DDX4: variants seen among roughly 807,000 people sequenced by gnomAD.
The protein encoded by DDX4 is probable ATP-dependent RNA helicase DDX4.
DDX4 carries 25 observed loss-of-function variants against 100.0 expected under a neutral mutation model. That is an observed-to-expected ratio of 0.25 (90% CI 0.18 to 0.35). DDX4 has a LOEUF of 0.35. DDX4 is among the 10% of genes least tolerant of loss of function. The pLI is 1.00. For synonymous variants in DDX4, 259 were observed against 275.7 expected (o/e 0.94, Z 0.60); for missense variants, 635 against 882.4 (o/e 0.72, Z 3.55).
chr5:55,774,553 T>G (rs1456630537), intron 7 of DDX4, among the ~76,000 whole-genome samples: 1 of 152,236 alleles, frequency 6.6e-6, no homozygotes, highest in Admixed American at 6.5e-5. Flanking sequence ...AGTTTATCTT[T>G]TTATGTTCTT....
At chr5:55,799,062 C>T (rs988353285) in intron 18 of DDX4, among the ~76,000 whole-genome samples, 1 of 152,016 alleles carries the variant, frequency 6.6e-6, no homozygotes, top group African/African-American at 2.4e-5. Context: ...CTCCCCCAAT[C>T]AATTTTTATT....
intron 8 of DDX4, 132 bp downstream of exon 8, chr5:55,780,197 A>C: frequency 7.4e-7 from 1 of 1,353,736 alleles, no homozygotes; most frequent in African/African-American, 1.5e-5. Context: ...AATACACATT[A>C]ATCACCACAT....
chr5:55,813,756 A>G lies in DDX4; in HGVS notation c.1699A>G (p.Thr567Ala), dbSNP rs746238070. Reference protein sequence around the residue: ...ATFLCQEKISTTSIHGDREQR... With the variant: ...ATFLCQEKISATSIHGDREQR... ...TTTTCTTTGTCAAGAAAAAATATCA[A>G]CTACAAGTATTCATGGGTGAGTAGA... The change falls in exon 19 of 22, where the codon ACT (threonine) becomes GCT (alanine). Residue 567 changes from threonine (T) to alanine (A), a missense_variant. Coordinates refer to ENST00000505374, the MANE Select transcript of DDX4 (RefSeq NM_024415.3). 2 of 1,595,388 alleles carry G rather than the reference A, an allele frequency of 1.3e-6. No homozygotes were observed. The highest frequency in any genetic ancestry group is 1.7e-6 in the Non-Finnish European group (2 of 1,173,056).
At chr5:55,764,227 G>C (rs1270174291) in intron 6 of DDX4, among the ~76,000 whole-genome samples, 163 bp downstream of exon 6, 3 of 152,084 alleles carry the variant, frequency 2.0e-5, no homozygotes, top group African/African-American at 7.2e-5. Flanking sequence ...TTACTGCTTT[G>C]TACATAAAGA....
At chr5:55,783,486 A>G (rs1420027280) in intron 10 of DDX4, among the ~76,000 whole-genome samples, 1 of 152,178 alleles carries the variant, frequency 6.6e-6, no homozygotes, top group Non-Finnish European at 1.5e-5. Context: ...CAGAAAGGTA[A>G]TATATAGAAA....
At chr5:55,766,695 C>T (rs10035707) in intron 6 of DDX4, among the ~76,000 whole-genome samples, 61,552 of 151,862 alleles carry the variant, frequency 0.41, 13,975 homozygotes, top group African/African-American at 0.59. Flanking sequence ...TTGGGACTTT[C>T]ACACAGGAAC....
intron 17 of DDX4, among the ~76,000 whole-genome samples, chr5:55,793,386 A>G (rs1409219162): frequency 1.3e-5 from 2 of 152,180 alleles, no homozygotes; most frequent in South Asian, 2.1e-4. Flanking sequence ...ATGGTTCAAC[A>G]TAAGATTTTA....
At chr5:55,808,863 G>A (rs1215030082) in intron 18 of DDX4, among the ~76,000 whole-genome samples, 2 of 152,242 alleles carry the variant, frequency 1.3e-5, no homozygotes, top group South Asian at 2.1e-4. Flanking sequence ...GGACATTTAA[G>A]TCTGCAGAGG....
chr5:55,752,194 T>C (rs1328659102), intron 3 of DDX4, among the ~76,000 whole-genome samples: 1 of 152,048 alleles, frequency 6.6e-6, no homozygotes, highest in Admixed American at 6.5e-5. Context: ...CTATTTTTTA[T>C]TATTATACTT....
intron 7 of DDX4, among the ~76,000 whole-genome samples, chr5:55,770,200 T>C: frequency 6.7e-6 from 1 of 148,510 alleles, no homozygotes; most frequent in East Asian, 2.1e-4. Flanking sequence ...GATCTGTTGG[T>C]TGTGGTTTTT....
chr5:55,813,890 G>A (rs891830201), intron 19 of DDX4, 118 bp downstream of exon 19: 74 of 1,198,902 alleles, frequency 6.2e-5, no homozygotes, highest in Middle Eastern at 3.1e-4. Flanking sequence ...AATTCTCTCA[G>A]ATCTAAACTG....
intron 18 of DDX4, among the ~76,000 whole-genome samples, chr5:55,807,466 A>G (rs575970124): frequency 6.6e-6 from 1 of 152,068 alleles, no homozygotes; most frequent in African/African-American, 2.4e-5. Context: ...GGTACCGGTT[A>G]TTCCTTTCCA....
intron 6 of DDX4, among the ~76,000 whole-genome samples, chr5:55,765,413 A>T (rs372885194): frequency 0.16 from 12,591 of 80,770 alleles, 1,032 homozygotes; most frequent in African/African-American, 0.21. Context: ...AAAAAAAAAA[A>T]ATATATATAT....
intron 10 of DDX4, among the ~76,000 whole-genome samples, 165 bp from the exon 11 acceptor site, chr5:55,785,132 A>G (rs141982024): frequency 4.6e-5 from 7 of 152,374 alleles, no homozygotes; most frequent in Non-Finnish European, 8.8e-5. Context: ...CTTGAATACT[A>G]CAGAAACTAA....
intron 2 of DDX4, among the ~76,000 whole-genome samples, chr5:55,743,923 T>G (rs1759115432): frequency 6.6e-6 from 1 of 151,696 alleles, no homozygotes; most frequent in Admixed American, 6.6e-5. Flanking sequence ...TTTTTTTTTT[T>G]TTTTTGCCTC....
chr5:55,811,858 T>A (rs893727007), intron 18 of DDX4, among the ~76,000 whole-genome samples: 1 of 152,192 alleles, frequency 6.6e-6, no homozygotes, highest in African/African-American at 2.4e-5. Flanking sequence ...GAACACAGAT[T>A]TCCGTTTTCA....
In DDX4 at chr5:55,738,691, TAA is replaced by T. The variant is rs3833450; in HGVS notation, c.-14-258_-14-257del. ...TATGAACAGATGTTTGGGAAAAGCC[TAA>T]GTCTTGCTGGGGACATGGCGATTGC... On this transcript the variant is annotated intron_variant, in intron 1 of 21. Coordinates refer to ENST00000505374, the MANE Select transcript of DDX4 (RefSeq NM_024415.3). 7.2e-5 allele frequency among the ~76,000 whole-genome samples: 11 copies of T among 151,864 alleles called. No individual in the cohort carries two copies. The East Asian group carries it at 1.9e-3, about 27-fold the overall frequency.
At chr5:55,754,065 A>T (rs1759759094) in intron 3 of DDX4, among the ~76,000 whole-genome samples, 1 of 142,382 alleles carries the variant, frequency 7.0e-6, no homozygotes, top group Non-Finnish European at 1.5e-5. Context: ...GCTTAAGGAG[A>T]TTTTGGGCTG....
chr5:55,782,624 C>CAGTTTTT (rs1741991541), intron 10 of DDX4, among the ~76,000 whole-genome samples: 1 of 151,480 alleles, frequency 6.6e-6, no homozygotes, highest in Non-Finnish European at 1.5e-5. Flanking sequence ...CAAAAAAAAA[C>CAGTTTTT]TGTTTAATAA....
Sources: allele counts gnomAD v4.1 joint callset (sites outside exome capture counted in the v4.1 genomes callset), GRCh38; gene constraint gnomAD v4.1.1; transcripts MANE v1.5; gene names NCBI Gene and HGNC (gene_info 2026-07-23, HGNC 2026-07-21).